Variants in TPRG1 observed in about 807,000 individuals in gnomAD.
TPRG1 encodes the protein tumor protein p63 regulated 1.
In TPRG1, 29 loss-of-function variants were observed where a neutral mutation model predicts 29.3. The ratio of observed to expected loss-of-function variants is 0.99; its 90% CI spans 0.74 to 1.35. TPRG1 has a LOEUF of 1.35. TPRG1 is among the 40% of genes most tolerant of loss of function. The pLI is 0.00. For synonymous variants in TPRG1, 130 were observed against 116.8 expected, an observed-to-expected ratio of 1.11 and a Z score of -0.73; for missense variants, 327 against 335.0, an observed-to-expected ratio of 0.98 and a Z score of 0.19.
In TPRG1 at chr3:189,093,655, C is replaced by G. The variant is rs77322531; in HGVS notation, c.-462-33402C>G. The stretch of plus-strand genomic sequence containing the variant: ...TCTCGGGGCTATTTCCTTTCATTTT[C>G]AGGATGTGGATAGACAATGGAAAGA... On this transcript the variant is annotated intron_variant, in intron 4 of 10. Transcript: ENST00000433971. Among the ~76,000 whole-genome samples, 236 of 152,188 alleles carry G rather than the reference C, an allele frequency of 1.6e-3. 3 individuals are homozygous for G. The highest frequency in any genetic ancestry group is 2.8e-3 in the Non-Finnish European group (193 of 68,004).
intron 1 of TPRG1, among the ~76,000 whole-genome samples, chr3:189,178,375 A>G (rs111417306): frequency 0.019 from 2,838 of 152,278 alleles, 41 homozygotes; most frequent in Non-Finnish European, 0.027. Flanking sequence ...CTAAAAATAC[A>G]AAAATTAGCT....
chr3:189,117,400 A>G (rs901836302), intron 1 of TPRG1, among the ~76,000 whole-genome samples: 8 of 152,228 alleles, frequency 5.3e-5, no homozygotes, highest in African/African-American at 1.7e-4. Context: ...ATTCCCTCAC[A>G]CTTCCAGTTT....
At chr3:189,228,525 A>G (rs1427816306) in intron 3 of TPRG1, among the ~76,000 whole-genome samples, 1 of 152,244 alleles carries the variant, frequency 6.6e-6, no homozygotes, top group Non-Finnish European at 1.5e-5. Flanking sequence ...AAGTAAATAT[A>G]TCATCATATC....
intron 3 of TPRG1, among the ~76,000 whole-genome samples, chr3:189,233,944 C>G (rs1739062107): frequency 6.6e-6 from 1 of 152,146 alleles, no homozygotes; most frequent in Admixed American, 6.5e-5. Context: ...TACAATAGCT[C>G]ACTGCAACCT....
At position 189,311,874 on chromosome 3, in the gene TPRG1, T is replaced by C. The variant is rs1177842584; in HGVS notation, c.633+1335T>C. ...CAATAAGAACAACCTAACACCTATT[T>C]GAAGGCAAGAATATGAGAACAGACT... On this transcript the variant is annotated intron_variant, in intron 5 of 5. Coordinates refer to ENST00000345063, the MANE Select transcript of TPRG1 (RefSeq NM_198485.4). 2.6e-5 allele frequency among the ~76,000 whole-genome samples: 4 copies of C among 152,076 alleles called. 1 individual carries two copies. Among genetic ancestry groups the C allele is most frequent in the Non-Finnish European group, 5.9e-5 (4 of 68,030 alleles).
At chr3:189,127,897 A>G (rs573947739) in intron 2 of TPRG1, among the ~76,000 whole-genome samples, 1 of 152,274 alleles carries the variant, frequency 6.6e-6, no homozygotes, top group South Asian at 2.1e-4. Flanking sequence ...TAGCTGGTAT[A>G]TGTAAAAATG....
At chr3:189,251,263 G>C (rs1515077) in intron 4 of TPRG1, among the ~76,000 whole-genome samples, 45,438 of 151,966 alleles carry the variant, frequency 0.3, 8,909 homozygotes, top group African/African-American at 0.56. Flanking sequence ...ATAAAACAGA[G>C]TTTTGTTTTA....
intron 1 of TPRG1, among the ~76,000 whole-genome samples, chr3:189,206,433 G>A (rs1734378910): frequency 6.6e-6 from 1 of 150,980 alleles, no homozygotes; most frequent in African/African-American, 2.4e-5. Flanking sequence ...GATATAAAGT[G>A]GTGTGTTTTT....
At chr3:189,263,199 A>G (rs1332530494) in intron 4 of TPRG1, among the ~76,000 whole-genome samples, 1 of 152,266 alleles carries the variant, frequency 6.6e-6, no homozygotes, top group Non-Finnish European at 1.5e-5. Context: ...TCAGGATTTC[A>G]GCTTTTATGA....
At chr3:189,070,413 C>T (rs1716739495) in intron 4 of TPRG1, among the ~76,000 whole-genome samples, 1 of 148,986 alleles carries the variant, frequency 6.7e-6, no homozygotes, top group African/African-American at 2.6e-5. Context: ...CACACACACT[C>T]ATGAATGTGC....
intron 3 of TPRG1, among the ~76,000 whole-genome samples, chr3:189,145,268 A>G (rs1335333384): frequency 4.0e-5 from 6 of 151,874 alleles, no homozygotes; most frequent in Non-Finnish European, 2.9e-5. Flanking sequence ...AGGCTGAGGC[A>G]GGAGAATCAT....
intron 1 of TPRG1, among the ~76,000 whole-genome samples, chr3:189,102,489 G>A (rs1180312196): frequency 6.6e-6 from 1 of 150,580 alleles, no homozygotes; most frequent in Non-Finnish European, 1.5e-5. Flanking sequence ...TTCTTTCTCA[G>A]CCCTACATGT....
intron 3 of TPRG1, among the ~76,000 whole-genome samples, chr3:189,016,664 C>T (rs1712950267): frequency 2.6e-5 from 4 of 151,998 alleles, no homozygotes; most frequent in African/African-American, 9.7e-5. Context: ...GGGGTGGACT[C>T]CTATCTTGCT....
In TPRG1 at chr3:189,186,049, G is replaced by T. The variant is rs17420675; in HGVS notation, c.-10+13918G>T. Reference sequence around the variant, plus strand: ...TAAATTTGATCCTTAAGTCATTAATGCTTCTACTAGGCTCTAAGCTTTAGG... The same window carrying T: ...TAAATTTGATCCTTAAGTCATTAATTCTTCTACTAGGCTCTAAGCTTTAGG... On this transcript the variant is annotated intron_variant, in intron 1 of 5. Coordinates refer to ENST00000345063, the MANE Select transcript of TPRG1 (RefSeq NM_198485.4). Among the ~76,000 whole-genome samples the T allele has an allele frequency of 6.3e-3, 952 of 152,098 alleles. 14 individuals carry two copies. The highest frequency in any genetic ancestry group is 0.022 in the African/African-American group (915 of 41,518).
chr3:189,006,651 T>C lies in TPRG1; in HGVS notation c.-660+1891T>C, dbSNP rs148505815. Among the ~76,000 whole-genome samples the C allele has an allele frequency of 2.8e-4, 42 of 152,172 alleles. 1 individual carries two copies. In the East Asian group the frequency reaches 7.0e-3, roughly 25 times the overall value. ...TGGAGTGGTGGGGGAAAGCTACATA[T>C]GGATTGAGAAACAACTGTATTCTAA... On this transcript the variant is annotated intron_variant, in intron 3 of 10. Coordinates refer to the TPRG1 transcript ENST00000433971.
chr3:189,009,373 A>G (rs931796100), intron 3 of TPRG1, among the ~76,000 whole-genome samples: 1 of 152,130 alleles, frequency 6.6e-6, no homozygotes, highest in Non-Finnish European at 1.5e-5. Context: ...TAGTAAATGT[A>G]AATAATACCT....
intron 5 of TPRG1, among the ~76,000 whole-genome samples, chr3:189,154,105 C>G (rs1444855033): frequency 6.6e-6 from 1 of 152,084 alleles, no homozygotes; most frequent in Non-Finnish European, 1.5e-5. Context: ...GAGGCAGCTG[C>G]TTTTTTCTTG....
At chr3:189,061,630 C>CAT (rs1161634763) in intron 4 of TPRG1, among the ~76,000 whole-genome samples, 1 of 151,782 alleles carries the variant, frequency 6.6e-6, no homozygotes, top group African/African-American at 2.4e-5. Flanking sequence ...GGGCAAAATA[C>CAT]ATGAACAGAC....
At chr3:189,194,668 G>A (rs1334905044) in intron 1 of TPRG1, among the ~76,000 whole-genome samples, 1 of 152,150 alleles carries the variant, frequency 6.6e-6, no homozygotes, top group Non-Finnish European at 1.5e-5. Flanking sequence ...GACCTGCAGA[G>A]CAGAGTATGG....
Sources: gnomAD v4.1 joint callset for allele counts (sites outside exome capture counted in the v4.1 genomes callset) on GRCh38, gnomAD v4.1.1 for gene constraint, MANE v1.5 for transcripts, NCBI Gene and HGNC (gene_info 2026-07-23, HGNC 2026-07-21) for gene names.